SMC4: variants seen among roughly 807,000 people sequenced by gnomAD.
SMC4 encodes structural maintenance of chromosomes 4.
In SMC4, 87 loss-of-function variants were observed where a neutral mutation model predicts 145.6. The ratio of observed to expected loss-of-function variants is 0.60; its 90% confidence interval spans 0.50 to 0.71. The LOEUF (loss-of-function observed/expected upper bound fraction) is 0.71, where lower values mean the gene tolerates loss of function less well. SMC4 is among the 30% of genes least tolerant of loss of function. The pLI is 0.00. For missense variants in SMC4, 1,447 were observed against 1,537.1 expected (o/e 0.94, Z 0.98); for synonymous variants, 558 against 500.7 (o/e 1.11, Z -1.53).
At position 160,432,072 on chromosome 3, in the gene SMC4, C is replaced by T. The variant is rs373119868; in HGVS notation, c.3298-211C>T. 7.9e-5 allele frequency among the ~76,000 whole-genome samples: 12 copies of T among 152,276 alleles called. No individual in the cohort carries two copies. The East Asian group carries it at 9.7e-4, about 12-fold the overall frequency. ...AAAAAATTAGCCAGGCGTTGTGGCA[C>T]GTGCCTGTAATCCCGGGTACTCGGG... On this transcript the variant is annotated intron_variant, in intron 21 of 23. Transcript: ENST00000357388.
chr3:160,431,732 T>TC lies in SMC4; in HGVS notation c.3206dup (p.Asp1070ArgfsTer16). On this transcript the variant is annotated frameshift_variant, in exon 21 of 24. Transcript: ENST00000357388. LOFTEE classifies it high-confidence loss of function. ...CAGAGGATCTTGAAGCGATCAAGAATCCAGATTCTATAACAAATCAAATTG... is the reference window on the plus strand; with the variant it reads ...CAGAGGATCTTGAAGCGATCAAGAATCCCAGATTCTATAACAAATCAAATTG... 6.2e-7 allele frequency: 1 copy of TC among 1,614,016 alleles called. No homozygotes were observed. Among genetic ancestry groups the TC allele is most frequent in the Non-Finnish European group, 8.5e-7 (1 of 1,179,966 alleles).
In SMC4 at chr3:160,431,125, CTTAG is replaced by C; in HGVS notation, c.3036_3039del (p.Ser1013LeufsTer3). 1 of 1,606,818 alleles carries C rather than the reference CTTAG, an allele frequency of 6.2e-7. No individual in the cohort carries two copies. Among genetic ancestry groups the C allele is most frequent in the Non-Finnish European group, 8.5e-7 (1 of 1,177,800 alleles). On this transcript the variant is annotated frameshift_variant, in exon 20 of 24. Coordinates refer to ENST00000357388, the MANE Select transcript of SMC4 (RefSeq NM_001002800.3). LOFTEE classifies it high-confidence loss of function. ...TGAACATGCTCTTCAAAAAGATGCA[CTTAG>C]TATTAAGTTGAAACTTGAACAAATA...
chr3:160,414,587 G>C (rs1576960438), intron 9 of SMC4, 70 bp downstream of exon 9: 4 of 1,330,516 alleles, frequency 3.0e-6, no homozygotes, highest in Non-Finnish European at 4.2e-6. Context: ...GGATGTGTTT[G>C]CCCCTTATTG....
In SMC4 at chr3:160,434,776, G is replaced by T. The variant is rs1473858671; in HGVS notation, c.*967G>T. ...GGTATTGTATTAGAAGTCTGCCCTA[G>T]CTGTTAAATTTCTGGGTATTTATCC... On this transcript the variant is annotated 3_prime_UTR_variant, in exon 24 of 24. Transcript: ENST00000357388. 1 of 152,128 alleles carries T rather than the reference G, an allele frequency of 6.6e-6. No individual in the cohort carries two copies. Among genetic ancestry groups the T allele is most frequent in the Non-Finnish European group, 1.5e-5 (1 of 68,028 alleles). 9.4% of individuals were successfully genotyped at this position (152,128 alleles called of 1,614,324 possible).
chr3:160,431,516 A>C (rs919316306), intron 20 of SMC4, 127 bp from the exon 21 acceptor site: 4 of 771,914 alleles, frequency 5.2e-6, no homozygotes, highest in Non-Finnish European at 6.1e-6. Flanking sequence ...CCTTTGAAAA[A>C]TAATTGATAA....
At chr3:160,428,640 A>G in intron 17 of SMC4, 113 bp from the exon 18 acceptor site, 1 of 925,438 alleles carries the variant, frequency 1.1e-6, no homozygotes, top group South Asian at 1.7e-5. Flanking sequence ...CATATGCCTA[A>G]AATTTGTTTT....
In SMC4 at chr3:160,416,347, G is replaced by GA. The variant is rs1192288789; in HGVS notation, c.1377dup (p.Leu460IlefsTer7). On this transcript the variant is annotated frameshift_variant, in exon 10 of 24. Transcript: ENST00000357388. LOFTEE classifies it high-confidence loss of function. ...CCTCGAGAAGGAAAAAGAGAAAGAA[G>GA]AAAAAAAATTAAAGGAAGTTATGGA... 13 of 1,579,668 alleles carry GA rather than the reference G, an allele frequency of 8.2e-6. No homozygotes were observed. The highest frequency in any genetic ancestry group is 3.5e-5 in the Admixed American group (2 of 57,354).
chr3:160,408,470 A>G (rs1195369689), intron 5 of SMC4, among the ~76,000 whole-genome samples: 3 of 152,228 alleles, frequency 2.0e-5, no homozygotes, highest in Non-Finnish European at 4.4e-5. Context: ...TTTAAGATAC[A>G]AGAAATAGAG....
At chr3:160,404,597 T>G in intron 5 of SMC4, 93 bp downstream of exon 5, 1 of 1,079,098 alleles carries the variant, frequency 9.3e-7, no homozygotes, top group African/African-American at 1.5e-5. Flanking sequence ...TTTGAGGCCT[T>G]AAAGTACTGT....
intron 2 of SMC4, among the ~76,000 whole-genome samples, chr3:160,401,361 C>G (rs1209685326): frequency 6.6e-6 from 1 of 152,120 alleles, no homozygotes; most frequent in Non-Finnish European, 1.5e-5. Flanking sequence ...TTTTTTGACC[C>G]TAACCTCACC....
intron 17 of SMC4, among the ~76,000 whole-genome samples, chr3:160,426,889 A>G (rs1246268124): frequency 6.6e-6 from 1 of 152,200 alleles, no homozygotes; most frequent in African/African-American, 2.4e-5. Context: ...CAGCAAACAC[A>G]GCAAGGTTCA....
At chr3:160,407,944 T>C (rs1165400036) in intron 5 of SMC4, among the ~76,000 whole-genome samples, 1 of 152,212 alleles carries the variant, frequency 6.6e-6, no homozygotes, top group Non-Finnish European at 1.5e-5. Context: ...GTTTAGTTCC[T>C]TGGCCTCTGG....
At chr3:160,431,540 C>A (rs909372429) in intron 20 of SMC4, 103 bp from the exon 21 acceptor site, 81 of 883,430 alleles carry the variant, frequency 9.2e-5, no homozygotes, top group African/African-American at 8.4e-4. Flanking sequence ...AGTCACAACT[C>A]CTGTTGTTTT....
chr3:160,433,048 T>C lies in SMC4; in HGVS notation c.3553T>C (p.Trp1185Arg). ...CAGTGTTCGACCACCTAAGAAAAGT[T>C]GGAAAAAGATCTTCAACCTTTCGGG... Reference protein sequence around the residue: ...MFSVRPPKKSWKKIFNLSGGE... With the variant: ...MFSVRPPKKSRKKIFNLSGGE... The change falls in exon 23 of 24, where the codon TGG becomes CGG. Residue 1185 changes from tryptophan (W) to arginine (R), a missense_variant. By Grantham distance (101) the Trp-to-Arg change is moderately radical. Coordinates refer to ENST00000357388, the MANE Select transcript of SMC4 (RefSeq NM_001002800.3). 1.2e-6 allele frequency: 2 copies of C among 1,613,286 alleles called. No homozygotes were observed. Among genetic ancestry groups the C allele is most frequent in the Non-Finnish European group, 1.7e-6 (2 of 1,179,458 alleles).
chr3:160,403,807 T>G (rs1294920750), intron 4 of SMC4, among the ~76,000 whole-genome samples: 1 of 152,154 alleles, frequency 6.6e-6, no homozygotes, highest in Admixed American at 6.5e-5. Flanking sequence ...AAAAATCTGT[T>G]TAAAAGAAAA....
At chr3:160,406,664 T>A (rs1050347967) in intron 5 of SMC4, among the ~76,000 whole-genome samples, 4 of 152,146 alleles carry the variant, frequency 2.6e-5, no homozygotes, top group Admixed American at 2.0e-4. Flanking sequence ...TTAGTAAAAA[T>A]AAACATTTAT....
In SMC4 at chr3:160,423,354, TTTTTG is replaced by T. The variant is rs376994195; in HGVS notation, c.2020-66_2020-62del. On this transcript the variant is annotated intron_variant, in intron 13 of 23. Coordinates refer to ENST00000357388, the MANE Select transcript of SMC4 (RefSeq NM_001002800.3). ...TGTTGAATTTATTCCTATGGGTTTTTTTTTGTTTTTTTTTTTGAGTTTTCTTTTTT... is the reference window on the plus strand; with the variant it reads ...TGTTGAATTTATTCCTATGGGTTTTTTTTTTTTTTTTGAGTTTTCTTTTTT... The T allele has an allele frequency of 5.5e-3, 5,291 of 964,758 alleles. 98 individuals carry two copies. Among genetic ancestry groups the T allele is most frequent in the African/African-American group, 0.036 (1,934 of 53,100 alleles). 59.8% of individuals were successfully genotyped at this position (964,758 alleles called of 1,614,324 possible). A position where few individuals can be genotyped will look rare whatever the true frequency, so the allele number is the denominator to read the frequency against.
chr3:160,428,791 G>T lies in SMC4; in HGVS notation c.2644G>T (p.Ala882Ser), dbSNP rs757079592. 6.3e-7 allele frequency: 1 copy of T among 1,594,338 alleles called. No homozygotes were observed. The highest frequency in any genetic ancestry group is 8.5e-7 in the Non-Finnish European group (1 of 1,175,464). ...GGCTGAGAAAGCTGGTAAAGTAGAA[G>T]CTGAGGTTAAACGCTTACACAATAC... ...AVAEKAGKVE[A>S]EVKRLHNTIV... The change falls in exon 18 of 24, where the codon GCT becomes TCT. Residue 882 changes from alanine to serine, a missense_variant. Transcript: ENST00000357388.
intron 21 of SMC4, 99 bp downstream of exon 21, chr3:160,431,924 G>A (rs529308070): frequency 5.5e-5 from 69 of 1,264,576 alleles, no homozygotes; most frequent in Admixed American, 5.5e-5. Context: ...GCTGTTGGCC[G>A]GGCGTGGTGG....
Sources: allele counts gnomAD v4.1 joint callset (sites outside exome capture counted in the v4.1 genomes callset), GRCh38; gene constraint gnomAD v4.1.1; transcripts MANE v1.5; gene names NCBI Gene and HGNC (gene_info 2026-07-23, HGNC 2026-07-21).